The following MYB variants were observed in gnomAD, a reference collection of about 807,000 sequenced individuals.
MYB encodes the protein transcriptional activator Myb.
A neutral mutation model predicts 92.9 loss-of-function variants in MYB; 28 were observed. The observed-to-expected ratio is 0.30, with a 90% CI of 0.22 to 0.41. The LOEUF (loss-of-function observed/expected upper bound fraction) is 0.41. MYB is among the 10% of genes least tolerant of loss of function. The probability of loss-of-function intolerance (pLI) is 1.00; values close to 1 mark genes in which losing one functional copy is unlikely to be tolerated. For missense variants in MYB, 679 were observed against 929.3 expected (o/e 0.73, Z 3.50); for synonymous variants, 295 against 329.1 (o/e 0.90, Z 1.12).
At chr6:135,217,387 A>C (rs1436777826) in intron 15 of MYB, among the ~76,000 whole-genome samples, 1 of 152,124 alleles carries the variant, frequency 6.6e-6, no homozygotes, top group African/African-American at 2.4e-5. Context: ...AAAGGAAAAA[A>C]ATTAAACTAT....
chr6:135,192,588 G>C, intron 6 of MYB, 30 bp downstream of exon 6: 1 of 1,590,468 alleles, frequency 6.3e-7, no homozygotes, highest in Non-Finnish European at 8.6e-7. Flanking sequence ...CTAGTTTAAT[G>C]AGAGAGACGG....
chr6:135,192,393 G>A lies in MYB; in HGVS notation c.597G>A (p.Leu199=). The A allele has an allele frequency of 6.2e-7, 1 of 1,614,242 alleles. No homozygotes were observed. The highest frequency in any genetic ancestry group is 8.5e-7 in the Non-Finnish European group (1 of 1,180,040). ...GGAAGGTCGAACAGGAAGGTTATCTGCAGGAGTCTTCAAAAGCCAGCCAGC... is the reference window on the plus strand; with the variant it reads ...GGAAGGTCGAACAGGAAGGTTATCTACAGGAGTCTTCAAAAGCCAGCCAGC... ...MRRKVEQEGY[L]QESSKASQPA... Residue 199 remains leucine (L), a synonymous_variant, in exon 6 of 16, where the codon CTG becomes CTA. Transcript: ENST00000341911.
At chr6:135,185,876 C>A in intron 1 of MYB, 27 bp from the exon 2 acceptor site, 1 of 1,561,580 alleles carries the variant, frequency 6.4e-7, no homozygotes, top group South Asian at 1.1e-5. Context: ...TGTTTCAGCC[C>A]ACGTCTACCC....
chr6:135,183,689 G>A (rs1295150984), intron 1 of MYB, among the ~76,000 whole-genome samples: 1 of 152,236 alleles, frequency 6.6e-6, no homozygotes, highest in Non-Finnish European at 1.5e-5. Flanking sequence ...CTCAGGAGCT[G>A]GGCGCGTGAG....
At chr6:135,185,696 C>T (rs891801305) in intron 1 of MYB, among the ~76,000 whole-genome samples, 9 of 152,152 alleles carry the variant, frequency 5.9e-5, no homozygotes, top group African/African-American at 9.7e-5. Context: ...GGTCCTTGGC[C>T]GTGTCTGTGG....
Position 135,185,980 on chromosome 6 carries a change from G to A in MYB, c.101G>A (p.Gly34Glu). 12 of 1,614,112 alleles carry A rather than the reference G, an allele frequency of 7.4e-6. No individual in the cohort carries two copies. The highest frequency in any genetic ancestry group is 1.0e-5 in the Non-Finnish European group (12 of 1,180,008). Residue 34 changes from glycine (G) to glutamate (E), a missense_variant, in exon 2 of 16, where the codon GGA becomes GAA. Physicochemically the swap from Gly to Glu is moderately conservative, Grantham distance 98. Coordinates refer to ENST00000341911, the MANE Select transcript of MYB (RefSeq NM_001130173.2). ...TATGATGGGCTGCTTCCCAAGTCTG[G>A]AAAGCGTCACTTGGGGAAAACAAGG... is the stretch of plus-strand genomic sequence containing the variant. ...HDYDGLLPKS[G>E]KRHLGKTRWT...
chr6:135,218,047 A>C lies in MYB; in HGVS notation c.*67A>C. The C allele has an allele frequency of 7.9e-7, 1 of 1,263,506 alleles. No individual in the cohort carries two copies. Among genetic ancestry groups the C allele is most frequent in the East Asian group, 2.3e-5 (1 of 42,976 alleles). 78.3% of individuals were successfully genotyped at this position (1,263,506 alleles called of 1,614,324 possible). ...GTTGACTTGGGATATATCATTCCTCAACATGAAACTTTTCATGAATGGGAG... is the reference window on the plus strand; with the variant it reads ...GTTGACTTGGGATATATCATTCCTCCACATGAAACTTTTCATGAATGGGAG... On this transcript the variant is annotated 3_prime_UTR_variant, in exon 16 of 16. Transcript: ENST00000341911.
chr6:135,200,194 A>G lies in MYB; in HGVS notation c.1819A>G (p.Met607Val), dbSNP rs900245440. ...AQEIKYGPLK[M>V]LPQTPSHLVE... ...AGAAATTAAATACGGTCCCCTGAAG[A>G]TGCTAGTAAGTTCTAGAAAAGTTTT... Residue 607 changes from methionine to valine, a missense_variant, in exon 12 of 16, where the codon ATG becomes GTG. This residue lies in a region of MYB where 402 missense variants were observed against 434.2 expected (regional missense o/e 0.93). Transcript: ENST00000341911. 3.1e-6 allele frequency: 5 copies of G among 1,614,026 alleles called. No homozygotes were observed. In the African/African-American group the frequency reaches 6.7e-5, roughly 22 times the overall value.
At chr6:135,195,118 A>G in intron 8 of MYB, 1 of 1,245,830 alleles carries the variant, frequency 8.0e-7, no homozygotes, top group African/African-American at 1.6e-5. Flanking sequence ...TTTTTGTTAA[A>G]TAATAAGATG....
intron 15 of MYB, among the ~76,000 whole-genome samples, chr6:135,211,537 T>A (rs1037102297): frequency 4.6e-5 from 7 of 152,152 alleles, no homozygotes; most frequent in Non-Finnish European, 8.8e-5. Flanking sequence ...AAGATAGAAT[T>A]GCTTTAGAGC....
In MYB at chr6:135,182,279, C is replaced by G. The variant is rs1042874137; in HGVS notation, c.23+743C>G. ...GGTGCAGTCCCTTCACATTTTTGGC[C>G]GGACAGATGGGAAGAGGGAGAGGAG... On this transcript the variant is annotated intron_variant, in intron 1 of 15. Coordinates refer to ENST00000341911, the MANE Select transcript of MYB (RefSeq NM_001130173.2). This position sits in a 1 kb window ranked among gnomAD's most constrained non-coding sequence, Gnocchi z 5.6. 1.1e-4 allele frequency among the ~76,000 whole-genome samples: 16 copies of G among 152,204 alleles called. No individual in the cohort carries two copies. Among genetic ancestry groups the G allele is most frequent in the African/African-American group, 3.9e-4 (16 of 41,464 alleles).
chr6:135,208,494 C>T (rs982183642), intron 15 of MYB, among the ~76,000 whole-genome samples: 3 of 151,932 alleles, frequency 2.0e-5, no homozygotes, highest in African/African-American at 7.3e-5. Context: ...ATCCTCCTCC[C>T]TCAGCCTCCT....
At chr6:135,216,239 C>T (rs540948720) in intron 15 of MYB, among the ~76,000 whole-genome samples, 1 of 152,282 alleles carries the variant, frequency 6.6e-6, no homozygotes, top group East Asian at 1.9e-4. Context: ...CCCGCAAGGA[C>T]ACCAAAGTCC....
intron 2 of MYB, among the ~76,000 whole-genome samples, 154 bp downstream of exon 2, chr6:135,186,174 C>T (rs2128284350): frequency 6.6e-6 from 1 of 152,346 alleles, no homozygotes; most frequent in East Asian, 1.9e-4. Context: ...ATGCCCCCCA[C>T]TTCATTATAT....
intron 15 of MYB, among the ~76,000 whole-genome samples, chr6:135,205,736 A>G (rs1443769556): frequency 2.6e-5 from 4 of 152,228 alleles, no homozygotes; most frequent in South Asian, 2.1e-4. Flanking sequence ...TGTCTAAACC[A>G]TATAGTTTAC....
chr6:135,200,503 C>T (rs1211552582), intron 13 of MYB, 88 bp downstream of exon 13: 1 of 1,563,512 alleles, frequency 6.4e-7, no homozygotes, highest in South Asian at 1.1e-5. Context: ...GCCATTGGCA[C>T]TGTGCAACAC....
chr6:135,213,671 C>G (rs542461852), intron 15 of MYB, among the ~76,000 whole-genome samples: 1 of 152,234 alleles, frequency 6.6e-6, no homozygotes, highest in African/African-American at 2.4e-5. Context: ...CACTTCAGTC[C>G]AGGAGGTTGA....
chr6:135,194,400 G>T lies in MYB; in HGVS notation c.888G>T (p.Lys296Asn). Residue 296 changes from lysine (K) to asparagine (N), a missense_variant, in exon 8 of 16, where the codon AAG (lysine) becomes AAT (asparagine). Lys to Asn is a moderately conservative substitution (Grantham distance 94). Coordinates refer to ENST00000341911, the MANE Select transcript of MYB (RefSeq NM_001130173.2). ...ACCCTGAGAAGGAAAAGCGAATAAA[G>T]GAATTAGAATTGCTCCTAATGTCAA... is the stretch of plus-strand genomic sequence containing the variant. ...DEDPEKEKRIKELELLLMSTE... is the reference protein window; with the variant it reads ...DEDPEKEKRINELELLLMSTE... The T allele has an allele frequency of 6.2e-7, 1 of 1,613,826 alleles. No individual in the cohort carries two copies. The highest frequency in any genetic ancestry group is 8.5e-7 in the Non-Finnish European group (1 of 1,179,888).
Position 135,218,155 on chromosome 6 carries a change from C to T in MYB, c.*175C>T, listed in dbSNP as rs897721533. ...GAATGAAGTCTTCTTGGATTTCACC[C>T]AACTAAAAGGATTTTTAAAAATAAA... On this transcript the variant is annotated 3_prime_UTR_variant, in exon 16 of 16. Coordinates refer to ENST00000341911, the MANE Select transcript of MYB (RefSeq NM_001130173.2). 1 of 540,278 alleles carries T rather than the reference C, an allele frequency of 1.9e-6. No homozygotes were observed. Among genetic ancestry groups the T allele is most frequent in the Non-Finnish European group, 3.3e-6 (1 of 307,140 alleles). The allele number at this position is 540,278 out of a possible 1,614,324, so 33.5% of individuals were successfully genotyped here.
Sources: allele counts gnomAD v4.1 joint callset (sites outside exome capture counted in the v4.1 genomes callset), GRCh38; gene constraint gnomAD v4.1.1; regional missense constraint gnomAD v4.1.1; non-coding constraint Gnocchi (gnomAD v3.1); transcripts MANE v1.5; gene names NCBI Gene and HGNC (gene_info 2026-07-23, HGNC 2026-07-21).